NAALADL2: variants seen among roughly 807,000 people sequenced by gnomAD.
NAALADL2 encodes inactive N-acetylated-alpha-linked acidic dipeptidase-like protein 2.
NAALADL2 carries 76 observed loss-of-function variants against 87.2 expected under a neutral mutation model. The observed-to-expected ratio is 0.87, with a 90% CI of 0.72 to 1.05. NAALADL2 has a LOEUF of 1.05. Among genes scored for constraint, NAALADL2 ranks in the 50% least tolerant of loss-of-function variants. The probability of loss-of-function intolerance (pLI) is 0.00; values close to 1 mark genes in which losing one functional copy is unlikely to be tolerated. For synonymous variants in NAALADL2, 354 were observed against 331.0 expected, an observed-to-expected ratio of 1.07 and a Z score of -0.75; for missense variants, 1,089 against 945.8, an observed-to-expected ratio of 1.15 and a Z score of -1.99.
At chr3:175,270,813 A>T (rs1209276193) in intron 4 of NAALADL2, among the ~76,000 whole-genome samples, 1 of 152,078 alleles carries the variant, frequency 6.6e-6, no homozygotes, top group African/African-American at 2.4e-5. Flanking sequence ...GCCTCTGTAA[A>T]CCTCTTCCAG....
intron 2 of NAALADL2, among the ~76,000 whole-genome samples, chr3:174,732,293 A>G (rs536782748): frequency 1.5e-4 from 23 of 152,256 alleles, no homozygotes; most frequent in South Asian, 4.1e-4. Context: ...TTAGGCTGGA[A>G]TAGATTTTAT....
chr3:174,477,411 A>G (rs1553771157), intron 1 of NAALADL2, among the ~76,000 whole-genome samples: 1 of 152,118 alleles, frequency 6.6e-6, no homozygotes, highest in Non-Finnish European at 1.5e-5. Flanking sequence ...CATACCTAAC[A>G]TATGCATCCC....
intron 1 of NAALADL2, among the ~76,000 whole-genome samples, chr3:174,496,404 C>G (rs1289367082): frequency 6.6e-6 from 1 of 151,450 alleles, no homozygotes. Flanking sequence ...TTTTCCTTTG[C>G]CCAGATTATA....
At chr3:175,496,138 T>C (rs1291125438) in intron 9 of NAALADL2, among the ~76,000 whole-genome samples, 1 of 152,082 alleles carries the variant, frequency 6.6e-6, no homozygotes, top group Non-Finnish European at 1.5e-5. Context: ...TAAATTTAAA[T>C]ATTAAAACAA....
chr3:174,572,087 A>G (rs1030413105), intron 2 of NAALADL2, among the ~76,000 whole-genome samples: 2 of 152,140 alleles, frequency 1.3e-5, no homozygotes, highest in Non-Finnish European at 2.9e-5. Flanking sequence ...ACATATATGG[A>G]TAATTCTTCT....
At chr3:174,801,045 T>C (rs1037422351) in intron 3 of NAALADL2, among the ~76,000 whole-genome samples, 9 of 152,218 alleles carry the variant, frequency 5.9e-5, no homozygotes, top group Non-Finnish European at 1.2e-4. Context: ...GGACTTGTCT[T>C]GTCTCAGATG....
rs565045714 is a variant in NAALADL2 at position 175,667,231 on chromosome 3, G to T, written c.1896+39845G>T. Among the ~76,000 whole-genome samples, 109 of 116,790 alleles carry T rather than the reference G, an allele frequency of 9.3e-4. 1 individual carries two copies. The highest frequency in any genetic ancestry group is 4.0e-3 in the African/African-American group (94 of 23,500). 76.6% of individuals were successfully genotyped at this position (116,790 alleles called of 152,430 possible). On this transcript the variant is annotated intron_variant, in intron 11 of 13. Transcript: ENST00000454872. ...AGAAAGAAAGAAAGAAAGAAAGAAAGAAAGAAAGAAAAAGAAAGAAAGAAA... is the reference window on the plus strand; with the variant it reads ...AGAAAGAAAGAAAGAAAGAAAGAAATAAAGAAAGAAAAAGAAAGAAAGAAA...
Position 174,810,803 on chromosome 3 carries a change from A to C in NAALADL2, c.-9+73057A>C, listed in dbSNP as rs138853890. Among the ~76,000 whole-genome samples, 391 of 152,284 alleles carry C rather than the reference A, an allele frequency of 2.6e-3. 2 individuals carry two copies. The highest frequency in any genetic ancestry group is 9.0e-3 in the African/African-American group (376 of 41,562). ...GCTGATACTCAAGAAAATGGGGAGA[A>C]GACCTCGAAGGTATTTCACAGAACT... is the stretch of plus-strand genomic sequence containing the variant. On this transcript the variant is annotated intron_variant, in intron 3 of 3. Transcript: ENST00000434257.
chr3:174,579,647 A>G (rs2861836), intron 2 of NAALADL2, among the ~76,000 whole-genome samples: 75,627 of 151,862 alleles, frequency 0.5, 20,763 homozygotes, highest in East Asian at 0.82. Context: ...ACACATAAAT[A>G]TGTTTGTCAA....
chr3:174,518,736 C>T (rs1315033927), intron 1 of NAALADL2, among the ~76,000 whole-genome samples: 1 of 152,144 alleles, frequency 6.6e-6, no homozygotes, highest in African/African-American at 2.4e-5. Flanking sequence ...AAGCCTCTTT[C>T]CCTACCCATT....
intron 5 of NAALADL2, among the ~76,000 whole-genome samples, chr3:175,404,773 A>G (rs1711994788): frequency 1.3e-5 from 2 of 152,202 alleles, no homozygotes; most frequent in South Asian, 4.1e-4. Context: ...ACCATGTACA[A>G]GTTGACCTCA....
rs117908057 is a variant in NAALADL2, at chr3:175,650,923, T to G, written c.1896+23537T>G. ...CTTGGATTCAAGTCCTAGCTCTCCA[T>G]GCTGAATGATATTATCGAAGTTACA... On this transcript the variant is annotated intron_variant, in intron 11 of 13. Coordinates refer to ENST00000454872, the MANE Select transcript of NAALADL2 (RefSeq NM_207015.3). 1.6e-3 allele frequency among the ~76,000 whole-genome samples: 247 copies of G among 152,284 alleles called. 3 individuals carry two copies. In the East Asian group the frequency reaches 0.033, roughly 20 times the overall value.
chr3:174,876,941 T>C (rs1728581443), intron 1 of NAALADL2, among the ~76,000 whole-genome samples: 1 of 152,186 alleles, frequency 6.6e-6, no homozygotes, highest in Non-Finnish European at 1.5e-5. Context: ...AGGGCTCTCT[T>C]CCTGGCTTGC....
At chr3:174,444,552 G>A (rs1376015694) in intron 1 of NAALADL2, among the ~76,000 whole-genome samples, 2 of 152,154 alleles carry the variant, frequency 1.3e-5, no homozygotes, top group African/African-American at 4.8e-5. Flanking sequence ...GATAAAAGGG[G>A]AAAAGGAGGA....
At chr3:175,681,650 CTCTT>C (rs2149883696) in intron 11 of NAALADL2, among the ~76,000 whole-genome samples, 1 of 152,244 alleles carries the variant, frequency 6.6e-6, no homozygotes, top group African/African-American at 2.4e-5. Flanking sequence ...TTGAAGAACA[CTCTT>C]TATTCCAAAC....
chr3:174,933,505 T>A (rs1418620065), intron 1 of NAALADL2, among the ~76,000 whole-genome samples: 1 of 152,202 alleles, frequency 6.6e-6, no homozygotes, highest in Non-Finnish European at 1.5e-5. Flanking sequence ...TTAGTTAATT[T>A]TCCTAGGTTT....
In NAALADL2 at chr3:175,803,004, G is replaced by GAAAC; in HGVS notation, c.2191_2194dup (p.Ile732LysfsTer7). Reference sequence around the variant, plus strand: ...TTTATACATTTTGTATTTCTTTTCAGAAACATCCTCTACCACCTTGATGAA... The same window carrying GAAAC: ...TTTATACATTTTGTATTTCTTTTCAGAAACAAACATCCTCTACCACCTTGATGAA... On this transcript the variant is annotated frameshift_variant and splice_region_variant. Transcript: ENST00000454872. LOFTEE classifies it high-confidence loss of function. 6.2e-7 allele frequency: 1 copy of GAAAC among 1,606,032 alleles called. No homozygotes were observed. The highest frequency in any genetic ancestry group is 8.5e-7 in the Non-Finnish European group (1 of 1,174,046).
intron 5 of NAALADL2, among the ~76,000 whole-genome samples, chr3:175,331,513 A>G (rs945126233): frequency 6.6e-6 from 1 of 152,224 alleles, no homozygotes; most frequent in Non-Finnish European, 1.5e-5. Context: ...AGACAAAAAC[A>G]TATGGTCACC....
rs1005246125 is a variant in NAALADL2, at chr3:174,831,686, C to T, written c.-9+93940C>T. 2.6e-5 allele frequency among the ~76,000 whole-genome samples: 4 copies of T among 151,096 alleles called. No homozygotes were observed. In the East Asian group the frequency reaches 7.7e-4, roughly 29 times the overall value. On this transcript the variant is annotated intron_variant, in intron 3 of 3. Transcript: ENST00000434257. ...TGGAATAGTTTCAGAAGGAATGGTA[C>T]CAGTTCCTCCTTGTACCTCTGGTAG...
Sources: gnomAD v4.1 joint callset for allele counts (sites outside exome capture counted in the v4.1 genomes callset) on GRCh38, gnomAD v4.1.1 for gene constraint, MANE v1.5 for transcripts, NCBI Gene and HGNC (gene_info 2026-07-23, HGNC 2026-07-21) for gene names.